ST18: variants seen among roughly 807,000 people sequenced by gnomAD.
The protein encoded by ST18 is suppression of tumorigenicity 18 protein.
In ST18, 50 loss-of-function variants were observed where a neutral mutation model predicts 110.0. The ratio of observed to expected loss-of-function variants is 0.45; its 90% CI spans 0.36 to 0.58. The LOEUF (loss-of-function observed/expected upper bound fraction) is 0.58. Ranked by LOEUF, ST18 falls within the 20% of genes least tolerant of loss-of-function variation. ST18 has a pLI of 0.00. For synonymous variants in ST18, 461 were observed against 452.4 expected, an observed-to-expected ratio of 1.02 and a Z score of -0.24; for missense variants, 1,306 against 1,280.1, an observed-to-expected ratio of 1.02 and a Z score of -0.31.
chr8:52,289,473 A>G (rs1287304130), intron 2 of ST18, among the ~76,000 whole-genome samples: 1 of 152,070 alleles, frequency 6.6e-6, no homozygotes, highest in Non-Finnish European at 1.5e-5. Context: ...ACAAAAAACA[A>G]CAACAACCAC....
chr8:52,274,240 A>ATGAT (rs2095165862), intron 2 of ST18, among the ~76,000 whole-genome samples: 1 of 152,182 alleles, frequency 6.6e-6, no homozygotes, highest in South Asian at 2.1e-4. Context: ...CTGAAATGTA[A>ATGAT]TGATTGATAT....
intron 16 of ST18, among the ~76,000 whole-genome samples, chr8:52,144,727 A>C (rs1316033407): frequency 6.6e-6 from 1 of 152,166 alleles, no homozygotes; most frequent in Non-Finnish European, 1.5e-5. Context: ...AATAAAGAGA[A>C]ATGTATGCTT....
At chr8:52,265,080 T>G (rs568820441) in intron 2 of ST18, among the ~76,000 whole-genome samples, 1 of 152,174 alleles carries the variant, frequency 6.6e-6, no homozygotes, top group East Asian at 1.9e-4. Flanking sequence ...AATGACTGGG[T>G]AAGAGTGGGA....
intron 10 of ST18, among the ~76,000 whole-genome samples, chr8:52,168,325 CG>C (rs1373046210): frequency 1.3e-5 from 2 of 150,748 alleles, no homozygotes; most frequent in South Asian, 4.3e-4. Flanking sequence ...ATGGGGCCTG[CG>C]TGCGAGGGTG....
At chr8:52,254,682 A>G (rs978332192) in intron 2 of ST18, among the ~76,000 whole-genome samples, 3 of 152,124 alleles carry the variant, frequency 2.0e-5, no homozygotes, top group South Asian at 4.2e-4. Flanking sequence ...CGGCAACAAC[A>G]ACCTAAAATA....
rs539581657 is a variant in ST18 at position 52,110,970 on chromosome 8, G to A, written c.*2228C>T. 2.5e-6 allele frequency: 1 copy of A among 398,442 alleles called. No individual in the cohort carries two copies. Among genetic ancestry groups the A allele is most frequent in the South Asian group, 1.3e-4 (1 of 7,826 alleles). 24.7% of individuals were successfully genotyped at this position (398,442 alleles called of 1,614,324 possible). ...CAAACTACCTCAAATTAAAAAAAAT[G>A]CATACATCATTGCCTTTTTGTTTAC... is the stretch of plus-strand genomic sequence containing the variant. On this transcript the variant is annotated 3_prime_UTR_variant, in exon 26 of 26. Transcript: ENST00000689386.
intron 2 of ST18, among the ~76,000 whole-genome samples, chr8:52,408,245 A>G (rs1246853602): frequency 2.2e-4 from 34 of 152,214 alleles, no homozygotes; most frequent in Admixed American, 2.2e-3. Context: ...GAGAATCACT[A>G]CTTTGGCATA....
In ST18 at chr8:52,139,939, G is replaced by T. The variant is rs2054248363; in HGVS notation, c.2169-2456C>A. ...TACATAATGACATGTGCCAATATTA[G>T]TTGGGTGATACATTTGTTTTCAGAT... On this transcript the variant is annotated intron_variant, in intron 17 of 25. Coordinates refer to ENST00000689386, the MANE Select transcript of ST18 (RefSeq NM_001352837.2). Among the ~76,000 whole-genome samples the T allele has an allele frequency of 1.3e-5, 2 of 152,196 alleles. 1 individual carries two copies. Among genetic ancestry groups the T allele is most frequent in the South Asian group, 4.1e-4 (2 of 4,832 alleles).
chr8:52,136,933 C>T (rs1563617109), intron 18 of ST18, among the ~76,000 whole-genome samples: 1 of 152,162 alleles, frequency 6.6e-6, no homozygotes, highest in African/African-American at 2.4e-5. Context: ...CAATGATCAC[C>T]CACACACAGA....
At chr8:52,155,633 G>T (rs550824716) in intron 15 of ST18, among the ~76,000 whole-genome samples, 1 of 152,294 alleles carries the variant, frequency 6.6e-6, no homozygotes, top group African/African-American at 2.4e-5. Flanking sequence ...AAGAGACTTT[G>T]CAAGGAGGAT....
chr8:52,206,080 AG>A (rs1342264319), intron 8 of ST18, among the ~76,000 whole-genome samples: 1 of 152,158 alleles, frequency 6.6e-6, no homozygotes, highest in Non-Finnish European at 1.5e-5. Context: ...TCTGGACTGG[AG>A]ACGGGACCTG....
In ST18 at chr8:52,234,670, T is replaced by C. The variant is rs141289602; in HGVS notation, c.-464-4593A>G. Among the ~76,000 whole-genome samples, 23 of 151,872 alleles carry C rather than the reference T, an allele frequency of 1.5e-4. No homozygotes were observed. The East Asian group carries it at 4.3e-3, about 28-fold the overall frequency. ...TTTACAGCAGCACAATTTGCAATTG[T>C]AAAAAATGCGGAACCAACCCAAATG... On this transcript the variant is annotated intron_variant, in intron 2 of 25. Coordinates refer to ENST00000689386, the MANE Select transcript of ST18 (RefSeq NM_001352837.2).
intron 8 of ST18, among the ~76,000 whole-genome samples, chr8:52,192,084 G>A (rs1262979422): frequency 1.3e-5 from 2 of 152,188 alleles, no homozygotes; most frequent in African/African-American, 2.4e-5. Context: ...CATTGATGGA[G>A]TAGCATTAGT....
At chr8:52,245,360 T>C (rs2093759681) in intron 2 of ST18, among the ~76,000 whole-genome samples, 1 of 152,148 alleles carries the variant, frequency 6.6e-6, no homozygotes, top group Non-Finnish European at 1.5e-5. Context: ...CCTGTCATTA[T>C]AAGTAAGGGT....
rs146351702 is a variant in ST18, at chr8:52,352,301, A to C, written c.-465+57027T>G. Among the ~76,000 whole-genome samples the C allele has an allele frequency of 4.6e-5, 7 of 152,336 alleles. No homozygotes were observed. The East Asian group carries it at 1.3e-3, about 29-fold the overall frequency. ...CCACAAGCCCCAGCTTTCTCCAGGC[A>C]TTAGGCTCACTTGCACATTGTGTAA... On this transcript the variant is annotated intron_variant, in intron 2 of 25. Coordinates refer to ENST00000689386, the MANE Select transcript of ST18 (RefSeq NM_001352837.2).
intron 2 of ST18, among the ~76,000 whole-genome samples, chr8:52,363,342 C>G (rs1035900900): frequency 3.9e-5 from 6 of 152,112 alleles, no homozygotes; most frequent in Admixed American, 3.9e-4. Context: ...TTAAATCTTT[C>G]TCGTGAATCA....
At chr8:52,231,725 G>A (rs1487671306) in intron 2 of ST18, among the ~76,000 whole-genome samples, 1 of 152,160 alleles carries the variant, frequency 6.6e-6, no homozygotes, top group African/African-American at 2.4e-5. Flanking sequence ...TCCGCCAGCC[G>A]CGGCCTCCCA....
chr8:52,166,995 A>G lies in ST18; in HGVS notation c.1070-9T>C. On this transcript the variant is annotated splice_polypyrimidine_tract_variant and intron_variant, in intron 10 of 25. Transcript: ENST00000689386. ...TTCAGGCCTTGGTGAATCTATGGAG[A>G]AATTCAATTGAGAAATGCATTTGGT... 6.2e-7 allele frequency: 1 copy of G among 1,600,204 alleles called. No individual in the cohort carries two copies. Among genetic ancestry groups the G allele is most frequent in the Non-Finnish European group, 8.5e-7 (1 of 1,170,916 alleles).
At chr8:52,208,476 A>T (rs889062137) in intron 8 of ST18, among the ~76,000 whole-genome samples, 3 of 152,254 alleles carry the variant, frequency 2.0e-5, no homozygotes, top group African/African-American at 7.2e-5. Context: ...CTTTTCTCCC[A>T]AGATTTAGAT....
Sources: gnomAD v4.1 joint callset for allele counts (sites outside exome capture counted in the v4.1 genomes callset) on GRCh38, gnomAD v4.1.1 for gene constraint, MANE v1.5 for transcripts, NCBI Gene and HGNC (gene_info 2026-07-23, HGNC 2026-07-21) for gene names.